Variants in GPR158 observed in about 807,000 individuals in gnomAD.
The protein encoded by GPR158 is G protein-coupled receptor 158.
A neutral mutation model predicts 78.2 loss-of-function variants in GPR158; 30 were observed. The ratio of observed to expected loss-of-function variants is 0.38; its 90% CI spans 0.29 to 0.52. GPR158 has a LOEUF of 0.52. Ranked by LOEUF, GPR158 falls within the 20% of genes least tolerant of loss-of-function variation. The pLI, the probability that GPR158 is intolerant of heterozygous loss-of-function variation, is 0.83. For synonymous variants in GPR158, 581 were observed against 591.1 expected (o/e 0.98, Z 0.25); for missense variants, 1,463 against 1,523.5 (o/e 0.96, Z 0.66).
At chr10:25,578,009 G>A (rs1290174282) in intron 7 of GPR158, among the ~76,000 whole-genome samples, 1 of 152,172 alleles carries the variant, frequency 6.6e-6, no homozygotes, top group Non-Finnish European at 1.5e-5. Flanking sequence ...AAATGTGGAT[G>A]TTCCAAGACA....
At chr10:25,471,554 T>G (rs1301759730) in intron 5 of GPR158, among the ~76,000 whole-genome samples, 1 of 152,204 alleles carries the variant, frequency 6.6e-6, no homozygotes, top group Non-Finnish European at 1.5e-5. Flanking sequence ...TCCACAATGG[T>G]TGAACTAGTT....
At chr10:25,367,972 C>A (rs722537) in intron 2 of GPR158, among the ~76,000 whole-genome samples, 2 of 151,574 alleles carry the variant, frequency 1.3e-5, no homozygotes, top group African/African-American at 2.4e-5. Context: ...GAGGGCTGCC[C>A]CTGTTGCCTG....
At chr10:25,505,295 T>G (rs1835995846) in intron 5 of GPR158, among the ~76,000 whole-genome samples, 1 of 152,258 alleles carries the variant, frequency 6.6e-6, no homozygotes, top group Non-Finnish European at 1.5e-5. Flanking sequence ...GCTCTGTTTC[T>G]GAGCACAGAA....
intron 2 of GPR158, among the ~76,000 whole-genome samples, chr10:25,352,105 G>A (rs975189455): frequency 6.6e-6 from 1 of 152,018 alleles, no homozygotes; most frequent in South Asian, 2.1e-4. Context: ...CAAACTAAAA[G>A]ATGGCCTCTG....
At chr10:25,486,616 G>A (rs1320975767) in intron 5 of GPR158, among the ~76,000 whole-genome samples, 1 of 152,062 alleles carries the variant, frequency 6.6e-6, no homozygotes, top group Non-Finnish European at 1.5e-5. Context: ...TCACCCTCAA[G>A]TTTCTGATCC....
At chr10:25,275,924 A>G (rs1854177647) in intron 2 of GPR158, among the ~76,000 whole-genome samples, 1 of 152,194 alleles carries the variant, frequency 6.6e-6, no homozygotes, top group African/African-American at 2.4e-5. Flanking sequence ...TATTAAAAAA[A>G]TCTTGTATAT....
intron 4 of GPR158, among the ~76,000 whole-genome samples, chr10:25,423,782 C>T (rs1834785133): frequency 6.6e-6 from 1 of 152,104 alleles, no homozygotes; most frequent in African/African-American, 2.4e-5. Flanking sequence ...TCCAGTCTAT[C>T]ATTGATGGAA....
At chr10:25,276,116 A>G (rs1427179532) in intron 2 of GPR158, among the ~76,000 whole-genome samples, 1 of 152,178 alleles carries the variant, frequency 6.6e-6, no homozygotes, top group Non-Finnish European at 1.5e-5. Context: ...TTTCAGAGGA[A>G]TTTGATCCCT....
At chr10:25,308,488 G>C (rs1417625099) in intron 2 of GPR158, among the ~76,000 whole-genome samples, 1 of 151,842 alleles carries the variant, frequency 6.6e-6, no homozygotes, top group Non-Finnish European at 1.5e-5. Context: ...CAGGTTTTTT[G>C]CCCATTTTAG....
chr10:25,424,152 A>C (rs7916840), intron 4 of GPR158, among the ~76,000 whole-genome samples: 1 of 151,296 alleles, frequency 6.6e-6, no homozygotes, highest in Non-Finnish European at 1.5e-5. Flanking sequence ...GCATTTTTTC[A>C]TGTGTCTGTT....
At chr10:25,274,495 A>G (rs11014480) in intron 2 of GPR158, among the ~76,000 whole-genome samples, 7,265 of 152,288 alleles carry the variant, frequency 0.048, 605 homozygotes, top group African/African-American at 0.17. Context: ...TAGGTGATTT[A>G]ATGTGACTTG....
At chr10:25,209,816 C>T (rs182225835) in intron 1 of GPR158, among the ~76,000 whole-genome samples, 2 of 152,250 alleles carry the variant, frequency 1.3e-5, no homozygotes, top group Non-Finnish European at 2.9e-5. Context: ...TAAGCAGCCA[C>T]CAAGTACTTT....
intron 4 of GPR158, among the ~76,000 whole-genome samples, chr10:25,417,928 T>C (rs1834685537): frequency 6.6e-6 from 1 of 152,192 alleles, no homozygotes. Context: ...TTGACTTTCA[T>C]ATGTGCACCG....
chr10:25,483,508 T>C (rs1835687397), intron 5 of GPR158, among the ~76,000 whole-genome samples: 1 of 152,180 alleles, frequency 6.6e-6, no homozygotes, highest in African/African-American at 2.4e-5. Context: ...TTGCATAGAA[T>C]TGATCGTTTT....
intron 2 of GPR158, among the ~76,000 whole-genome samples, chr10:25,279,060 A>T (rs1243057778): frequency 6.6e-6 from 1 of 152,134 alleles, no homozygotes; most frequent in East Asian, 1.9e-4. Flanking sequence ...AGATCCTAAG[A>T]TATAAAAAAA....
intron 5 of GPR158, among the ~76,000 whole-genome samples, chr10:25,484,884 A>G (rs547213927): frequency 6.6e-6 from 1 of 152,328 alleles, no homozygotes; most frequent in South Asian, 2.1e-4. Context: ...TCAGTTAATT[A>G]AAAGGCTAAC....
intron 3 of GPR158, among the ~76,000 whole-genome samples, chr10:25,403,096 A>G (rs540228717): frequency 2.0e-5 from 3 of 152,026 alleles, no homozygotes; most frequent in Admixed American, 6.6e-5. Flanking sequence ...TAAAATATAC[A>G]TAGTTTTCTT....
chr10:25,517,413 A>C (rs1338550607), intron 5 of GPR158, among the ~76,000 whole-genome samples: 1 of 152,030 alleles, frequency 6.6e-6, no homozygotes, highest in African/African-American at 2.4e-5. Flanking sequence ...ACTATGTTGA[A>C]TAGGAGTGGT....
chr10:25,440,402 T>A (rs772417515), intron 4 of GPR158, among the ~76,000 whole-genome samples: 6 of 152,214 alleles, frequency 3.9e-5, no homozygotes, highest in Non-Finnish European at 7.3e-5. Flanking sequence ...CCCCCATTGA[T>A]TGCTGCTTAA....
Sources: gnomAD v4.1 joint callset for allele counts (sites outside exome capture counted in the v4.1 genomes callset) on GRCh38, gnomAD v4.1.1 for gene constraint, MANE v1.5 for transcripts, NCBI Gene and HGNC (gene_info 2026-07-23, HGNC 2026-07-21) for gene names.